Variants in RUNDC3B observed in about 807,000 individuals in gnomAD.
The protein encoded by RUNDC3B is RUN domain containing 3B.
RUNDC3B carries 33 observed loss-of-function variants against 58.4 expected under a neutral mutation model. The ratio of observed to expected loss-of-function variants is 0.56; its 90% CI spans 0.43 to 0.75. The LOEUF (loss-of-function observed/expected upper bound fraction) is 0.75, where lower values mean the gene tolerates loss of function less well. Among genes scored for constraint, RUNDC3B ranks in the 30% least tolerant of loss-of-function variants. The probability of loss-of-function intolerance (pLI) is 0.00; values close to 1 mark genes in which losing one functional copy is unlikely to be tolerated. For missense variants in RUNDC3B, 501 were observed against 535.7 expected (o/e 0.94, Z 0.64); for synonymous variants, 193 against 195.2 (o/e 0.99, Z 0.10).
chr7:87,800,529 A>T (rs1193906639), intron 8 of RUNDC3B, among the ~76,000 whole-genome samples: 1 of 152,206 alleles, frequency 6.6e-6, no homozygotes, highest in Non-Finnish European at 1.5e-5. Flanking sequence ...TGGCTGGATC[A>T]TATGGTAATT....
intron 10 of RUNDC3B, among the ~76,000 whole-genome samples, chr7:87,823,694 T>G (rs1400768130): frequency 6.6e-6 from 1 of 152,132 alleles, no homozygotes; most frequent in African/African-American, 2.4e-5. Flanking sequence ...CCTGAGTTAC[T>G]TCAGTTAGAA....
chr7:87,650,089 T>C (rs1290882229), intron 1 of RUNDC3B, among the ~76,000 whole-genome samples: 2 of 152,168 alleles, frequency 1.3e-5, no homozygotes, highest in Non-Finnish European at 2.9e-5. Context: ...CACGTCCTAT[T>C]TTATTCTATT....
At chr7:87,792,254 A>T (rs1835564002) in intron 8 of RUNDC3B, among the ~76,000 whole-genome samples, 1 of 152,160 alleles carries the variant, frequency 6.6e-6, no homozygotes, top group Non-Finnish European at 1.5e-5. Context: ...AGATCTGAAT[A>T]CAATAATAGC....
At chr7:87,699,721 C>G (rs1828849385) in intron 2 of RUNDC3B, among the ~76,000 whole-genome samples, 1 of 152,116 alleles carries the variant, frequency 6.6e-6, no homozygotes, top group South Asian at 2.1e-4. Context: ...AATATTAATA[C>G]TAATATAACC....
At chr7:87,825,367 G>T (rs1016560985) in intron 10 of RUNDC3B, among the ~76,000 whole-genome samples, 2 of 152,204 alleles carry the variant, frequency 1.3e-5, no homozygotes, top group African/African-American at 4.8e-5. Context: ...TCCACGTGGT[G>T]TTGAGCCTGC....
At chr7:87,731,927 T>C (rs1230018729) in intron 4 of RUNDC3B, among the ~76,000 whole-genome samples, 2 of 152,226 alleles carry the variant, frequency 1.3e-5, no homozygotes, top group Non-Finnish European at 2.9e-5. Flanking sequence ...ACCTAATAGA[T>C]GTTGCACAGA....
chr7:87,721,837 T>A (rs1830913402), intron 4 of RUNDC3B, among the ~76,000 whole-genome samples: 1 of 151,904 alleles, frequency 6.6e-6, no homozygotes, highest in African/African-American at 2.4e-5. Context: ...TTCTTTGAGT[T>A]CTGCTTGAAC....
chr7:87,741,630 G>T, intron 6 of RUNDC3B, 51 bp downstream of exon 6: 1 of 1,052,410 alleles, frequency 9.5e-7, no homozygotes, highest in Non-Finnish European at 1.4e-6. Flanking sequence ...AAAATTGAAT[G>T]TCTTGTGCAA....
intron 3 of RUNDC3B, among the ~76,000 whole-genome samples, chr7:87,703,885 C>CTGTTTTTTTTTGTTTTTTT (rs1829308130): frequency 1.7e-5 from 1 of 60,282 alleles, no homozygotes; most frequent in Non-Finnish European, 3.2e-5. Flanking sequence ...TCAGTTTTTT[C>CTGTTTTTTTTTGTTTTTTT]TTTTTTTTTT....
At chr7:87,714,122 T>G (rs1045462732) in intron 4 of RUNDC3B, among the ~76,000 whole-genome samples, 3 of 152,184 alleles carry the variant, frequency 2.0e-5, no homozygotes, top group African/African-American at 7.2e-5. Context: ...CCAAAATCTT[T>G]TAAGAGTTAA....
At chr7:87,666,858 TGTACCA>T (rs1441853602) in intron 2 of RUNDC3B, among the ~76,000 whole-genome samples, 1 of 152,116 alleles carries the variant, frequency 6.6e-6, no homozygotes, top group East Asian at 1.9e-4. Context: ...TGCCTGTTTT[TGTACCA>T]GTACCATGCT....
rs563554741 is a variant in RUNDC3B, at chr7:87,689,492, G to A, written c.239-10929G>A. On this transcript the variant is annotated intron_variant, in intron 2 of 10. Transcript: ENST00000394654. ...TAATTCAACAATTTTGCTTTATTGCGCTAATATTTACTTTATTGTGCTAAT... is the reference window on the plus strand; with the variant it reads ...TAATTCAACAATTTTGCTTTATTGCACTAATATTTACTTTATTGTGCTAAT... 6.4e-4 allele frequency among the ~76,000 whole-genome samples: 97 copies of A among 151,816 alleles called. 1 individual carries two copies. Among genetic ancestry groups the A allele is most frequent in the African/African-American group, 2.3e-3 (94 of 41,422 alleles).
At chr7:87,783,325 C>CCTG (rs1835040298) in intron 8 of RUNDC3B, among the ~76,000 whole-genome samples, 1 of 152,056 alleles carries the variant, frequency 6.6e-6, no homozygotes, top group South Asian at 2.1e-4. Context: ...AATAGGACCC[C>CCTG]CTGCTCTTTT....
At chr7:87,703,897 T>TGG (rs1829333410) in intron 3 of RUNDC3B, among the ~76,000 whole-genome samples, 2 of 112,644 alleles carry the variant, frequency 1.8e-5, no homozygotes, top group Non-Finnish European at 3.8e-5. Flanking sequence ...TTTTTTTTTT[T>TGG]TTTTTTTTTT....
chr7:87,745,141 G>A (rs950683229), intron 6 of RUNDC3B, among the ~76,000 whole-genome samples: 1 of 152,126 alleles, frequency 6.6e-6, no homozygotes, highest in Admixed American at 6.5e-5. Flanking sequence ...ATATGTTAAA[G>A]CATCCCTGCA....
chr7:87,660,916 G>T (rs1824637616), intron 2 of RUNDC3B, among the ~76,000 whole-genome samples: 1 of 151,750 alleles, frequency 6.6e-6, no homozygotes, highest in South Asian at 2.1e-4. Context: ...GTCAGAATTT[G>T]GTTTGTATGG....
chr7:87,751,205 T>G (rs968586241), intron 6 of RUNDC3B, among the ~76,000 whole-genome samples: 15 of 152,174 alleles, frequency 9.9e-5, no homozygotes, highest in African/African-American at 3.6e-4. Context: ...TGTGGCATTA[T>G]TTCTGAGGGC....
chr7:87,723,355 A>G (rs1481987111), intron 4 of RUNDC3B, among the ~76,000 whole-genome samples: 1 of 152,220 alleles, frequency 6.6e-6, no homozygotes, highest in Admixed American at 6.5e-5. Flanking sequence ...TTAAAAATGT[A>G]GAATACTGAG....
intron 8 of RUNDC3B, among the ~76,000 whole-genome samples, chr7:87,799,746 G>A (rs1379765709): frequency 6.6e-6 from 1 of 152,058 alleles, no homozygotes; most frequent in Non-Finnish European, 1.5e-5. Flanking sequence ...AATTAGCTGG[G>A]CATGGTGGCG....
Sources: allele counts gnomAD v4.1 joint callset (sites outside exome capture counted in the v4.1 genomes callset), GRCh38; gene constraint gnomAD v4.1.1; transcripts MANE v1.5; gene names NCBI Gene and HGNC (gene_info 2026-07-23, HGNC 2026-07-21).